The following CHD1L variants were observed in gnomAD, a reference collection of about 807,000 sequenced individuals.
The protein encoded by CHD1L is chromodomain helicase DNA binding protein 1 like.
CHD1L carries 118 observed loss-of-function variants against 115.9 expected under a neutral mutation model. That is an observed-to-expected ratio of 1.02 (90% CI 0.88 to 1.19). CHD1L has a LOEUF of 1.19. Among genes scored for constraint, CHD1L ranks in the 50% most tolerant of loss-of-function variants. CHD1L has a pLI of 0.00. For synonymous variants in CHD1L, 411 were observed against 387.1 expected (o/e 1.06, Z -0.72); for missense variants, 1,179 against 1,065.3 (o/e 1.11, Z -1.49).
the CHD1L span, chr1:147,184,619 C>T: frequency 6.5e-7 from 1 of 1,544,002 alleles, no homozygotes; most frequent in African/African-American, 1.4e-5. The surrounding 1 kb of genome is among the most constrained non-coding windows in gnomAD (Gnocchi z 4.4). Context: ...TGATGTTTTT[C>T]TCATGGTTAG....
chr1:147,243,251 C>G (rs1434596434), intron 1 of CHD1L, among the ~76,000 whole-genome samples: 1 of 152,144 alleles, frequency 6.6e-6, no homozygotes, highest in African/African-American at 2.4e-5. Context: ...ATCAACTCAT[C>G]TCCCAGCTTC....
the CHD1L span, chr1:147,184,705 T>TAC: frequency 7.1e-7 from 1 of 1,408,554 alleles, no homozygotes; most frequent in African/African-American, 1.5e-5. This position sits in a 1 kb window ranked among gnomAD's most constrained non-coding sequence, Gnocchi z 4.4. Flanking sequence ...CAAAGGTACA[T>TAC]ACTATCAGTG....
the CHD1L span, among the ~76,000 whole-genome samples, chr1:147,231,614 G>T: frequency 6.6e-6 from 1 of 152,110 alleles, no homozygotes; most frequent in East Asian, 1.9e-4. Flanking sequence ...GGGTGTTAAA[G>T]TCTCCCATTA....
chr1:147,286,220 G>T, intron 17 of CHD1L, 78 bp from the exon 18 acceptor site: 1 of 1,349,370 alleles, frequency 7.4e-7, no homozygotes, highest in South Asian at 1.3e-5. Context: ...TATTGTTTGT[G>T]AACAGCAGTA....
At chr1:147,247,051 T>G (rs1553934157) in intron 1 of CHD1L, among the ~76,000 whole-genome samples, 1 of 152,228 alleles carries the variant, frequency 6.6e-6, no homozygotes, top group African/African-American at 2.4e-5. Flanking sequence ...TGTATTTATT[T>G]CCCTGGAGAC....
At chr1:147,245,921 A>G (rs1553933525) in intron 1 of CHD1L, among the ~76,000 whole-genome samples, 1 of 152,156 alleles carries the variant, frequency 6.6e-6, no homozygotes, top group Non-Finnish European at 1.5e-5. Context: ...ACATTATCAC[A>G]TTGTGTACAC....
chr1:147,251,031 G>T (rs2102338866), intron 1 of CHD1L, among the ~76,000 whole-genome samples: 1 of 152,274 alleles, frequency 6.6e-6, no homozygotes, highest in Middle Eastern at 3.4e-3. Flanking sequence ...ATGTGACTTT[G>T]CCCCTCATTT....
At chr1:147,199,318 G>A in the CHD1L span, among the ~76,000 whole-genome samples, 1 of 152,162 alleles carries the variant, frequency 6.6e-6, no homozygotes. Flanking sequence ...GCAAGAATGT[G>A]GGAGGCAGAC....
the CHD1L span, among the ~76,000 whole-genome samples, chr1:147,237,242 AG>A: frequency 1.3e-5 from 2 of 152,146 alleles, no homozygotes; most frequent in Non-Finnish European, 2.9e-5. Flanking sequence ...GACACTTCTT[AG>A]CCTGCAGGAA....
At chr1:147,250,174 C>CAT (rs1553935730) in intron 1 of CHD1L, among the ~76,000 whole-genome samples, 1 of 152,040 alleles carries the variant, frequency 6.6e-6, no homozygotes. Context: ...AGCATTTTAT[C>CAT]ATTACTGCTT....
At chr1:147,178,189 G>C in the CHD1L span, 1 of 1,612,190 alleles carries the variant, frequency 6.2e-7, no homozygotes, top group Non-Finnish European at 8.5e-7. Flanking sequence ...GGCTGCCTCC[G>C]ACGTGCTAGG....
At chr1:147,224,820 T>A in the CHD1L span, 2 of 1,473,284 alleles carry the variant, frequency 1.4e-6, no homozygotes, top group Middle Eastern at 1.8e-4. Context: ...CACCTGACAC[T>A]GTTAAGATAA....
chr1:147,198,152 A>G, the CHD1L span, among the ~76,000 whole-genome samples: 2 of 152,212 alleles, frequency 1.3e-5, no homozygotes, highest in African/African-American at 4.8e-5. Flanking sequence ...GGCTTTTAAC[A>G]TAACTGGAAA....
chr1:147,284,923 G>A (rs1238903270), intron 16 of CHD1L, among the ~76,000 whole-genome samples: 3 of 152,200 alleles, frequency 2.0e-5, no homozygotes, highest in African/African-American at 7.2e-5. Flanking sequence ...TAATCATGAT[G>A]TTGAAATACA....
chr1:147,209,732 CA>C, the CHD1L span: 1 of 152,248 alleles, frequency 6.6e-6, no homozygotes, highest in African/African-American at 2.4e-5. Flanking sequence ...GCTGACTATT[CA>C]GGCTGACAAT....
intron 1 of CHD1L, among the ~76,000 whole-genome samples, chr1:147,248,369 C>T (rs1559726881): frequency 2.0e-5 from 3 of 151,996 alleles, no homozygotes; most frequent in African/African-American, 4.8e-5. Flanking sequence ...CCACCATACC[C>T]GGCTAATTTT....
chr1:147,189,262 G>C, the CHD1L span, among the ~76,000 whole-genome samples: 1 of 139,656 alleles, frequency 7.2e-6, no homozygotes. Context: ...GACAGAGTGA[G>C]ACTCCGTCTA....
the CHD1L span, among the ~76,000 whole-genome samples, chr1:147,232,770 G>C: frequency 6.6e-6 from 1 of 152,336 alleles, no homozygotes; most frequent in African/African-American, 2.4e-5. Context: ...GGAGGTGCCG[G>C]GATTGCAGAT....
At chr1:147,272,478 A>C (rs1258778621) in intron 12 of CHD1L, 197 bp downstream of exon 12, 5 of 465,236 alleles carry the variant, frequency 1.1e-5, no homozygotes, top group African/African-American at 4.0e-5. Context: ...GCAAAGAAGT[A>C]AGGCTGAAAC....
Sources: allele counts gnomAD v4.1 joint callset (sites outside exome capture counted in the v4.1 genomes callset), GRCh38; gene constraint gnomAD v4.1.1; non-coding constraint Gnocchi (gnomAD v3.1); transcripts MANE v1.5; gene names NCBI Gene and HGNC (gene_info 2026-07-23, HGNC 2026-07-21).